CCNF: variants seen among roughly 807,000 people sequenced by gnomAD.
CCNF encodes the protein cyclin F.
In CCNF, 30 loss-of-function variants were observed where a neutral mutation model predicts 85.4. The observed-to-expected ratio is 0.35, with a 90% CI of 0.26 to 0.48. CCNF has a LOEUF of 0.48. CCNF is among the 20% of genes least tolerant of loss of function. The pLI is 0.99. For synonymous variants in CCNF, 439 were observed against 425.1 expected, an observed-to-expected ratio of 1.03 and a Z score of -0.40; for missense variants, 919 against 1,010.4, an observed-to-expected ratio of 0.91 and a Z score of 1.23.
chr16:2,436,154 C>G, intron 4 of CCNF: 1 of 350,236 alleles, frequency 2.9e-6, no homozygotes. Flanking sequence ...AGCACGGGGG[C>G]TGTTTGGGCT....
At chr16:2,435,743 T>C (rs1365318764) in intron 3 of CCNF, 63 bp from the exon 4 acceptor site, 2 of 1,099,816 alleles carry the variant, frequency 1.8e-6, no homozygotes, top group African/African-American at 1.5e-5. Flanking sequence ...CTTCAAGTGC[T>C]GTAGTAGTTC....
At chr16:2,441,160 G>A (rs1416635965) in intron 8 of CCNF, among the ~76,000 whole-genome samples, 3 of 152,208 alleles carry the variant, frequency 2.0e-5, no homozygotes, top group Admixed American at 2.0e-4. Flanking sequence ...CTTGAACCCA[G>A]GAGGAGGAAG....
intron 1 of CCNF, among the ~76,000 whole-genome samples, chr16:2,430,651 C>A (rs1483413367): frequency 6.6e-6 from 1 of 152,146 alleles, no homozygotes; most frequent in Non-Finnish European, 1.5e-5. Context: ...AGGGCCGACC[C>A]TTCTAATTTG....
Position 2,453,066 on chromosome 16 carries a change from T to G in CCNF, c.1488-144T>G. Reference sequence around the variant, plus strand: ...AGGAATTGCTAGGTCCTGTGGTGACTGAGTTTAACCATTCGGGGAACTGCC... The same window carrying G: ...AGGAATTGCTAGGTCCTGTGGTGACGGAGTTTAACCATTCGGGGAACTGCC... On this transcript the variant is annotated intron_variant, in intron 13 of 16. Coordinates refer to ENST00000397066, the MANE Select transcript of CCNF (RefSeq NM_001761.3). The surrounding 1 kb of genome is among the most constrained non-coding windows in gnomAD (Gnocchi z 5.6). 7.1e-6 allele frequency: 5 copies of G among 699,926 alleles called. No individual in the cohort carries two copies. Among genetic ancestry groups the G allele is most frequent in the Non-Finnish European group, 1.0e-5 (4 of 391,586 alleles). The allele number at this position is 699,926 out of a possible 1,614,324, so 43.4% of individuals were successfully genotyped here.
chr16:2,439,485 G>A, intron 7 of CCNF, 28 bp downstream of exon 7: 2 of 1,517,338 alleles, frequency 1.3e-6, no homozygotes, highest in Admixed American at 1.8e-5. Context: ...TGGGTCGGGG[G>A]GAGTTATGCT....
chr16:2,447,275 C>G (rs78667058), intron 10 of CCNF, among the ~76,000 whole-genome samples: 1 of 141,594 alleles, frequency 7.1e-6, no homozygotes, highest in Non-Finnish European at 1.6e-5. Context: ...GCCTTATTAT[C>G]TTTTTTTTTT....
rs746644206 is a variant in CCNF at position 2,437,138 on chromosome 16, C to G, written c.356C>G (p.Ser119Cys). ...CTGTCTGTCCCCGCAGTGTCTGTGTCTGATGAGGCCCGCGCAGAAGTGAAT... is the reference window on the plus strand; with the variant it reads ...CTGTCTGTCCCCGCAGTGTCTGTGTGTGATGAGGCCCGCGCAGAAGTGAAT... ...AYLYNEGLSV[S>C]DEARAEVNGL... Residue 119 changes from serine (S) to cysteine (C), a missense_variant, in exon 5 of 17, where the codon TCT (serine) becomes TGT (cysteine). This residue lies in a region of CCNF where 410 missense variants were observed against 478.6 expected (regional missense o/e 0.86). Coordinates refer to ENST00000397066, the MANE Select transcript of CCNF (RefSeq NM_001761.3). The G allele has an allele frequency of 2.5e-6, 4 of 1,593,252 alleles. No homozygotes were observed. The highest frequency in any genetic ancestry group is 3.4e-6 in the Non-Finnish European group (4 of 1,165,180).
chr16:2,458,275 G>A lies in CCNF; in HGVS notation c.*1255G>A, dbSNP rs1292632061. 3 of 140,666 alleles carry A rather than the reference G, an allele frequency of 2.1e-5. No homozygotes were observed. The highest frequency in any genetic ancestry group is 2.1e-4 in the Admixed American group (3 of 14,160). 8.7% of individuals were successfully genotyped at this position (140,666 alleles called of 1,614,324 possible). On this transcript the variant is annotated 3_prime_UTR_variant, in exon 17 of 17. Coordinates refer to ENST00000397066, the MANE Select transcript of CCNF (RefSeq NM_001761.3). ...ATGCTTTTTTTTTTTTTTTTTTGGA[G>A]ACAGTTTTGCTCTTGTCTCCCCGGC...
At chr16:2,449,116 G>C (rs760771429) in intron 11 of CCNF, 138 bp downstream of exon 11, 53 of 1,459,866 alleles carry the variant, frequency 3.6e-5, no homozygotes, top group Non-Finnish European at 4.9e-5. Context: ...CAAAGCCATG[G>C]AGCAGGAGGC....
Position 2,456,361 on chromosome 16 carries a change from T to TGG in CCNF, c.1886-183_1886-182dup. ...GTCATCTCCACATTTGTTGGAGTCA[T>TGG]GGCGGGCAGCTGTCCAACTTGGAAG... On this transcript the variant is annotated intron_variant, in intron 16 of 16. Coordinates refer to ENST00000397066, the MANE Select transcript of CCNF (RefSeq NM_001761.3). This position sits in a 1 kb window ranked among gnomAD's most constrained non-coding sequence, Gnocchi z 4.5. The TGG allele has an allele frequency of 2.1e-6, 1 of 479,526 alleles. No individual in the cohort carries two copies. The highest frequency in any genetic ancestry group is 3.6e-6 in the Non-Finnish European group (1 of 274,330). The allele number at this position is 479,526 out of a possible 1,614,324, so 29.7% of individuals were successfully genotyped here.
chr16:2,438,691 ATTGAACATCAAG>A (rs1326056629), intron 6 of CCNF, among the ~76,000 whole-genome samples: 1 of 151,450 alleles, frequency 6.6e-6, no homozygotes, highest in Admixed American at 6.6e-5. Flanking sequence ...GAGTAGAGTG[ATTGAACATCAAG>A]TAAAGAATAA....
chr16:2,442,941 T>C (rs2065339318), intron 8 of CCNF, among the ~76,000 whole-genome samples: 1 of 99,002 alleles, frequency 1.0e-5, no homozygotes, highest in South Asian at 2.5e-4. Flanking sequence ...GATTATTATA[T>C]ATTATTATAT....
chr16:2,452,921 G>A lies in CCNF; in HGVS notation c.1488-289G>A. On this transcript the variant is annotated intron_variant, in intron 13 of 16. Coordinates refer to ENST00000397066, the MANE Select transcript of CCNF (RefSeq NM_001761.3). The surrounding 1 kb of genome is among the most constrained non-coding windows in gnomAD (Gnocchi z 4.1). ...ATATTCCCCTGCATGGACCACATGT[G>A]TTTATCCATCCCGCAGCTGGTGGAC... 2.1e-6 allele frequency: 1 copy of A among 481,542 alleles called. No homozygotes were observed. The highest frequency in any genetic ancestry group is 3.8e-6 in the Non-Finnish European group (1 of 264,370). 29.8% of individuals were successfully genotyped at this position (481,542 alleles called of 1,614,324 possible). A position where few individuals can be genotyped will look rare whatever the true frequency, so the allele number is the denominator to read the frequency against.
In CCNF at chr16:2,453,186, C is replaced by T. The variant is rs372004931; in HGVS notation, c.1488-24C>T. The T allele has an allele frequency of 1.4e-4, 221 of 1,604,330 alleles. No homozygotes were observed. The highest frequency in any genetic ancestry group is 1.8e-4 in the Non-Finnish European group (207 of 1,171,708). On this transcript the variant is annotated intron_variant, in intron 13 of 16. Coordinates refer to ENST00000397066, the MANE Select transcript of CCNF (RefSeq NM_001761.3). The surrounding 1 kb of genome is among the most constrained non-coding windows in gnomAD (Gnocchi z 5.6). ...ATGGGGTGGGGGTGCCTCACATGTC[C>T]ACTCCACGTGACTCTGTTTCCAGCT... is the stretch of plus-strand genomic sequence containing the variant.
At position 2,429,513 on chromosome 16, in the gene CCNF, T is replaced by A. The variant is rs969493322; in HGVS notation, c.16+16T>A. ...AGCGGCGGCGGTGAGTGCGGGGCGA[T>A]GTCCGCTGGTTTCTGCCCCACACCC... On this transcript the variant is annotated intron_variant, in intron 1 of 16. Transcript: ENST00000397066. The A allele has an allele frequency of 3.8e-5, 47 of 1,230,510 alleles. No homozygotes were observed. Among genetic ancestry groups the A allele is most frequent in the African/African-American group, 4.7e-5 (3 of 64,036 alleles). The allele number at this position is 1,230,510 out of a possible 1,614,324, so 76.2% of individuals were successfully genotyped here.
chr16:2,436,180 C>T (rs1238928214), intron 4 of CCNF: 8 of 307,100 alleles, frequency 2.6e-5, no homozygotes, highest in Admixed American at 9.5e-5. Context: ...CCCTGTGCGC[C>T]ATGAGCACGC....
At chr16:2,440,683 G>A (rs986321409) in intron 8 of CCNF, among the ~76,000 whole-genome samples, 1 of 152,212 alleles carries the variant, frequency 6.6e-6, no homozygotes, top group African/African-American at 2.4e-5. Context: ...CACCAAGTGG[G>A]TGGCAGAGTG....
intron 11 of CCNF, 80 bp downstream of exon 11, chr16:2,449,058 C>A (rs2065377605): frequency 2.6e-6 from 4 of 1,550,914 alleles, no homozygotes; most frequent in South Asian, 1.1e-5. Flanking sequence ...AGCTTTCCTG[C>A]TGTGGGAGGG....
chr16:2,449,414 C>T lies in CCNF; in HGVS notation c.1351C>T (p.Arg451Cys), dbSNP rs150447372. ...HTSLSAYAPA[R>C]LAAAALLLAR... ...CAGCCTGTCCGCCTACGCCCCAGCC[C>T]GCCTGGCTGCCGCAGCCCTGCTCCT... Residue 451 changes from arginine to cysteine, a missense_variant, in exon 12 of 17, where the codon CGC becomes TGC. Physicochemically the swap from Arg to Cys is radical, Grantham distance 180. This residue lies in a region of CCNF where 505 missense variants were observed against 514.8 expected (regional missense o/e 0.98). Transcript: ENST00000397066. 2.3e-4 allele frequency: 372 copies of T among 1,610,568 alleles called. 1 individual carries two copies. In the African/African-American group the frequency reaches 4.2e-3, roughly 18 times the overall value.
Sources: allele counts gnomAD v4.1 joint callset (sites outside exome capture counted in the v4.1 genomes callset), GRCh38; gene constraint gnomAD v4.1.1; regional missense constraint gnomAD v4.1.1; non-coding constraint Gnocchi (gnomAD v3.1); transcripts MANE v1.5; gene names NCBI Gene and HGNC (gene_info 2026-07-23, HGNC 2026-07-21).